The following CTNNA2 variants were observed in gnomAD, a reference collection of about 807,000 sequenced individuals.
The protein encoded by CTNNA2 is catenin alpha 2, also known as catenin alpha-2.
CTNNA2 carries 42 observed loss-of-function variants against 101.0 expected under a neutral mutation model. That is an observed-to-expected ratio of 0.42 (90% CI 0.32 to 0.54). CTNNA2 has a LOEUF of 0.54. Ranked by LOEUF, CTNNA2 falls within the 20% of genes least tolerant of loss-of-function variation. The probability of loss-of-function intolerance (pLI) is 0.14; values close to 1 mark genes in which losing one functional copy is unlikely to be tolerated. For synonymous variants in CTNNA2, 450 were observed against 456.4 expected (o/e 0.99, Z 0.18); for missense variants, 871 against 1,223.1 (o/e 0.71, Z 4.29).
intron 4 of CTNNA2, among the ~76,000 whole-genome samples, chr2:79,403,939 C>A (rs1678314572): frequency 6.6e-6 from 1 of 151,948 alleles, no homozygotes; most frequent in South Asian, 2.1e-4. Context: ...CTCATCCAAA[C>A]TGATACGATA....
chr2:80,564,553 T>C (rs1286521713), intron 12 of CTNNA2, among the ~76,000 whole-genome samples: 1 of 151,816 alleles, frequency 6.6e-6, no homozygotes, highest in Non-Finnish European at 1.5e-5. Flanking sequence ...CAGTCCTTCT[T>C]CATCTTTTAT....
At chr2:79,964,307 CAT>C (rs981866194) in intron 7 of CTNNA2, among the ~76,000 whole-genome samples, 1 of 152,034 alleles carries the variant, frequency 6.6e-6, no homozygotes, top group African/African-American at 2.4e-5. Context: ...TCATTTTTCA[CAT>C]GAGACAACCA....
At chr2:80,553,542 A>T (rs761381753) in intron 11 of CTNNA2, among the ~76,000 whole-genome samples, 1 of 152,212 alleles carries the variant, frequency 6.6e-6, no homozygotes, top group Non-Finnish European at 1.5e-5. Context: ...CAAACTTATT[A>T]ACTCCAGAAG....
At chr2:79,969,056 A>G (rs755680800) in intron 7 of CTNNA2, among the ~76,000 whole-genome samples, 1 of 152,194 alleles carries the variant, frequency 6.6e-6, no homozygotes, top group Non-Finnish European at 1.5e-5. Flanking sequence ...TGGTCACACC[A>G]TCTATTAAGA....
At chr2:79,824,145 G>T (rs1028965349) in intron 3 of CTNNA2, among the ~76,000 whole-genome samples, 1 of 152,140 alleles carries the variant, frequency 6.6e-6, no homozygotes, top group African/African-American at 2.4e-5. Flanking sequence ...ACATCTGAGA[G>T]CCCAAATAAT....
intron 3 of CTNNA2, among the ~76,000 whole-genome samples, chr2:79,846,506 T>C (rs1052578421): frequency 3.3e-5 from 5 of 152,236 alleles, no homozygotes; most frequent in Non-Finnish European, 7.3e-5. Flanking sequence ...GACTTACAAA[T>C]ACATACACAT....
intron 7 of CTNNA2, among the ~76,000 whole-genome samples, chr2:80,310,661 T>C (rs1677477363): frequency 6.6e-6 from 1 of 152,220 alleles, no homozygotes; most frequent in African/African-American, 2.4e-5. Flanking sequence ...AGTTTTCTTA[T>C]CACTGCCAAT....
intron 9 of CTNNA2, among the ~76,000 whole-genome samples, chr2:80,468,047 C>A (rs560432719): frequency 1.3e-5 from 2 of 152,230 alleles, no homozygotes; most frequent in Non-Finnish European, 2.9e-5. Flanking sequence ...TACACTTTTC[C>A]TGATCATTAT....
intron 1 of CTNNA2, among the ~76,000 whole-genome samples, chr2:79,195,003 C>T (rs116618376): frequency 2.6e-5 from 4 of 152,092 alleles, no homozygotes; most frequent in Admixed American, 6.5e-5. Flanking sequence ...AGGCTCACAT[C>T]GCCATTTGGA....
intron 2 of CTNNA2, among the ~76,000 whole-genome samples, chr2:79,716,967 T>C (rs1266988495): frequency 6.6e-6 from 1 of 152,130 alleles, no homozygotes; most frequent in African/African-American, 2.4e-5. Flanking sequence ...TGCTGAAATT[T>C]TCATCATTGT....
intron 3 of CTNNA2, among the ~76,000 whole-genome samples, chr2:79,317,961 A>G (rs1558623152): frequency 6.6e-6 from 1 of 152,086 alleles, no homozygotes; most frequent in African/African-American, 2.4e-5. Context: ...AGCATTACAA[A>G]CAAGATTAGA....
At chr2:80,053,838 T>C (rs1308501347) in intron 7 of CTNNA2, among the ~76,000 whole-genome samples, 1 of 152,230 alleles carries the variant, frequency 6.6e-6, no homozygotes, top group Non-Finnish European at 1.5e-5. Context: ...ATTTTTTCAG[T>C]GTGGTTAACT....
intron 2 of CTNNA2, among the ~76,000 whole-genome samples, chr2:79,675,858 T>C (rs1683151574): frequency 1.3e-5 from 2 of 152,242 alleles, no homozygotes; most frequent in African/African-American, 4.8e-5. Context: ...TTTCTTAAAT[T>C]TAACTTCTAT....
At chr2:79,260,572 T>A (rs1220328745) in intron 2 of CTNNA2, among the ~76,000 whole-genome samples, 3 of 152,198 alleles carry the variant, frequency 2.0e-5, no homozygotes, top group Non-Finnish European at 2.9e-5. Context: ...GCCACAGTGT[T>A]GTAAAAGCAT....
chr2:80,203,779 G>A (rs1366073343), intron 7 of CTNNA2, among the ~76,000 whole-genome samples: 2 of 152,172 alleles, frequency 1.3e-5, no homozygotes, highest in Non-Finnish European at 2.9e-5. Context: ...TCTGTGTGGG[G>A]GCTCCAACTC....
intron 2 of CTNNA2, among the ~76,000 whole-genome samples, chr2:79,308,084 G>T (rs578251510): frequency 6.6e-6 from 1 of 152,058 alleles, no homozygotes; most frequent in Non-Finnish European, 1.5e-5. Context: ...TGCTCTTGTT[G>T]CCCAGGCTGC....
At chr2:79,262,834 C>T (rs1674941040) in intron 2 of CTNNA2, among the ~76,000 whole-genome samples, 2 of 152,254 alleles carry the variant, frequency 1.3e-5, no homozygotes, top group South Asian at 4.1e-4. Flanking sequence ...ACATAAGCCA[C>T]AGTGCAAAAG....
At chr2:79,386,865 C>T (rs1008440121) in intron 4 of CTNNA2, among the ~76,000 whole-genome samples, 1 of 152,186 alleles carries the variant, frequency 6.6e-6, no homozygotes, top group Non-Finnish European at 1.5e-5. Context: ...AGAATCTTCA[C>T]ACATTCATCT....
intron 7 of CTNNA2, among the ~76,000 whole-genome samples, chr2:80,175,631 C>T (rs547116955): frequency 1.0e-3 from 152 of 152,220 alleles, no homozygotes; most frequent in African/African-American, 3.5e-3. Flanking sequence ...TAGGACTAAT[C>T]GGATAAATGT....
Sources: allele counts gnomAD v4.1 joint callset (sites outside exome capture counted in the v4.1 genomes callset), GRCh38; gene constraint gnomAD v4.1.1; transcripts MANE v1.5; gene names NCBI Gene and HGNC (gene_info 2026-07-23, HGNC 2026-07-21).